TMC1: variants seen among roughly 807,000 people sequenced by gnomAD.
TMC1 encodes the protein transmembrane channel like 1.
TMC1 carries 84 observed loss-of-function variants against 105.8 expected under a neutral mutation model. That is an observed-to-expected ratio of 0.79 (90% confidence interval 0.67 to 0.95). TMC1 has a LOEUF of 0.95. Among genes scored for constraint, TMC1 ranks in the 40% least tolerant of loss-of-function variants. The pLI is 0.00. For missense variants in TMC1, 817 were observed against 914.1 expected (o/e 0.89, Z 1.37); for synonymous variants, 315 against 311.5 (o/e 1.01, Z -0.12).
At position 72,714,858 on chromosome 9, in the gene TMC1, G is replaced by A. The variant is rs186707168; in HGVS notation, c.362+14215G>A. Among the ~76,000 whole-genome samples, 31 of 152,274 alleles carry A rather than the reference G, an allele frequency of 2.0e-4. No homozygotes were observed. The East Asian group carries it at 2.5e-3, about 12-fold the overall frequency. On this transcript the variant is annotated intron_variant, in intron 8 of 23. Transcript: ENST00000297784. ...TTAGTTGATGCGATTTCTTCATAGC[G>A]TTGATGGTCTTTACAATTTAGTATG...
chr9:72,740,340 CAGTATAT>C, intron 9 of TMC1, 131 bp downstream of exon 9: 5 of 720,080 alleles, frequency 6.9e-6, no homozygotes, highest in South Asian at 1.8e-5. Flanking sequence ...AGTATATACA[CAGTATAT>C]CTGTGGTATT....
At chr9:72,648,776 CT>C (rs1588011108) in intron 5 of TMC1, 112 bp downstream of exon 5, 2 of 946,310 alleles carry the variant, frequency 2.1e-6, no homozygotes, top group East Asian at 4.9e-5. Context: ...TCTTTTGGGG[CT>C]TTCCCTTTTT....
chr9:72,629,312 T>G (rs1030016082), intron 4 of TMC1, among the ~76,000 whole-genome samples: 8 of 152,154 alleles, frequency 5.3e-5, no homozygotes, highest in Admixed American at 3.3e-4. Context: ...AGCATTCAGT[T>G]TTACAGCTAG....
Position 72,815,997 on chromosome 9 carries a change from A to C in TMC1, c.1696-146A>C, listed in dbSNP as rs1293992732. 18 of 719,336 alleles carry C rather than the reference A, an allele frequency of 2.5e-5. 1 individual carries two copies. The East Asian group carries it at 3.3e-4, about 13-fold the overall frequency. 44.6% of individuals were successfully genotyped at this position (719,336 alleles called of 1,614,324 possible). ...AAAAGGTGCTTTCTTTGTTTTATTT[A>C]TATCTGGTTACTTATCCTAGTGATT... On this transcript the variant is annotated intron_variant, in intron 18 of 23. Transcript: ENST00000297784.
intron 18 of TMC1, among the ~76,000 whole-genome samples, chr9:72,809,800 C>G (rs1828667008): frequency 6.6e-6 from 1 of 152,150 alleles, no homozygotes; most frequent in South Asian, 2.1e-4. Flanking sequence ...GAGAAATTGG[C>G]TGGAGTTGAG....
In TMC1 at chr9:72,593,627, G is replaced by T. The variant is rs193013631; in HGVS notation, c.-306+15604G>T. Among the ~76,000 whole-genome samples the T allele has an allele frequency of 3.4e-3, 515 of 151,628 alleles. 1 individual carries two copies. The highest frequency in any genetic ancestry group is 5.4e-3 in the Non-Finnish European group (365 of 67,904). Reference sequence around the variant, plus strand: ...GGCTGGTCTTGAACGCCCGATCTCAGGTGATCTGCCCACCTCGGCCTCCCA... The same window carrying T: ...GGCTGGTCTTGAACGCCCGATCTCATGTGATCTGCCCACCTCGGCCTCCCA... On this transcript the variant is annotated intron_variant, in intron 2 of 23. Transcript: ENST00000297784.
chr9:72,801,687 A>G (rs1470908193), intron 17 of TMC1, among the ~76,000 whole-genome samples: 4 of 152,166 alleles, frequency 2.6e-5, no homozygotes, highest in Non-Finnish European at 5.9e-5. Context: ...CAAAGTTTTT[A>G]GGTGTGGAGT....
At chr9:72,726,465 A>C (rs567664804) in intron 8 of TMC1, among the ~76,000 whole-genome samples, 1 of 152,264 alleles carries the variant, frequency 6.6e-6, no homozygotes, top group South Asian at 2.1e-4. Flanking sequence ...GGACACTGTA[A>C]AATATTAACA....
chr9:72,582,517 CAT>C (rs1824491923), intron 2 of TMC1, among the ~76,000 whole-genome samples: 1 of 152,172 alleles, frequency 6.6e-6, no homozygotes, highest in Non-Finnish European at 1.5e-5. Flanking sequence ...GTGAGATTCA[CAT>C]AGCCCCCTTG....
intron 4 of TMC1, among the ~76,000 whole-genome samples, chr9:72,639,862 GT>G (rs1825596156): frequency 6.6e-6 from 1 of 151,878 alleles, no homozygotes; most frequent in Non-Finnish European, 1.5e-5. Context: ...AGCTTTTTTC[GT>G]TGTTCATCTT....
chr9:72,529,478 C>T (rs1823461719), intron 1 of TMC1, among the ~76,000 whole-genome samples: 2 of 151,972 alleles, frequency 1.3e-5, no homozygotes, highest in Admixed American at 1.3e-4. Context: ...CTGTAATAAA[C>T]CTGCACGCAT....
chr9:72,768,839 A>G (rs1044614492), intron 12 of TMC1, among the ~76,000 whole-genome samples: 6 of 152,114 alleles, frequency 3.9e-5, no homozygotes, highest in African/African-American at 1.2e-4. Flanking sequence ...TAATCCCAAA[A>G]TTGTCATTAT....
intron 15 of TMC1, 63 bp from the exon 16 acceptor site, chr9:72,791,823 G>T (rs1828271956): frequency 6.9e-7 from 1 of 1,444,496 alleles, no homozygotes; most frequent in Non-Finnish European, 9.7e-7. Context: ...CCAAAATTCT[G>T]GCAAAAAGCA....
rs548933742 is a variant in TMC1, at chr9:72,737,030, G to A, written c.363-3089G>A. Among the ~76,000 whole-genome samples the A allele has an allele frequency of 8.1e-4, 124 of 152,326 alleles. 1 individual carries two copies. Among genetic ancestry groups the A allele is most frequent in the Admixed American group, 1.6e-3 (24 of 15,304 alleles). ...TGTGGAAGTTGGCCTTCAAAAGGGTGCAGCTTGTGAGTTTTTGAGAAGTGT... is the reference window on the plus strand; with the variant it reads ...TGTGGAAGTTGGCCTTCAAAAGGGTACAGCTTGTGAGTTTTTGAGAAGTGT... On this transcript the variant is annotated intron_variant, in intron 8 of 23. Coordinates refer to ENST00000297784, the MANE Select transcript of TMC1 (RefSeq NM_138691.3).
chr9:72,650,897 T>TATATAA (rs1825800357), intron 5 of TMC1, among the ~76,000 whole-genome samples: 1 of 142,564 alleles, frequency 7.0e-6, no homozygotes, highest in Admixed American at 7.1e-5. Context: ...TATAGATATA[T>TATATAA]ATATAAATAT....
At chr9:72,707,456 C>T (rs1002967498) in intron 8 of TMC1, among the ~76,000 whole-genome samples, 1 of 152,148 alleles carries the variant, frequency 6.6e-6, no homozygotes, top group Admixed American at 6.6e-5. Context: ...GCCATTCTTG[C>T]AGGTGTAAGG....
At chr9:72,656,094 C>T (rs998849991) in intron 5 of TMC1, 99 of 683,372 alleles carry the variant, frequency 1.4e-4, no homozygotes, top group African/African-American at 1.0e-3. Context: ...CACACACCTT[C>T]GCCAGGGATT....
chr9:72,667,929 T>G (rs1445361783), intron 5 of TMC1, among the ~76,000 whole-genome samples: 2 of 152,224 alleles, frequency 1.3e-5, no homozygotes, highest in African/African-American at 2.4e-5. Context: ...TCTCTCTTCA[T>G]TTTCAGCTGC....
chr9:72,617,745 G>T (rs1587992041), intron 3 of TMC1, among the ~76,000 whole-genome samples: 1 of 152,146 alleles, frequency 6.6e-6, no homozygotes, highest in African/African-American at 2.4e-5. Context: ...AATCGAGACT[G>T]TGTGAACCCA....
Sources: gnomAD v4.1 joint callset for allele counts (sites outside exome capture counted in the v4.1 genomes callset) on GRCh38, gnomAD v4.1.1 for gene constraint, MANE v1.5 for transcripts, NCBI Gene and HGNC (gene_info 2026-07-23, HGNC 2026-07-21) for gene names.